SH3GLB1: variants seen among roughly 807,000 people sequenced by gnomAD.
SH3GLB1 encodes the protein SH3 domain containing GRB2 like, endophilin B1.
A neutral mutation model predicts 42.0 loss-of-function variants in SH3GLB1; 17 were observed. That is an observed-to-expected ratio of 0.40 (90% confidence interval 0.28 to 0.61). The LOEUF is 0.61. Among genes scored for constraint, SH3GLB1 ranks in the 20% least tolerant of loss-of-function variants. The probability of loss-of-function intolerance (pLI) is 0.36; values close to 1 mark genes in which losing one functional copy is unlikely to be tolerated. For missense variants in SH3GLB1, 355 were observed against 426.3 expected (o/e 0.83, Z 1.47); for synonymous variants, 132 against 146.6 (o/e 0.90, Z 0.72).
At chr1:86,740,276 GAA>G (rs1655993667) in intron 7 of SH3GLB1, among the ~76,000 whole-genome samples, 1 of 152,188 alleles carries the variant, frequency 6.6e-6, no homozygotes, top group Non-Finnish European at 1.5e-5. Context: ...AAGAGGGTAT[GAA>G]ATAGTCATCA....
rs575130834 is a variant in SH3GLB1, at chr1:86,723,867, C to G, written c.478-446C>G. 2.0e-5 allele frequency among the ~76,000 whole-genome samples: 3 copies of G among 152,296 alleles called. No individual in the cohort carries two copies. The East Asian group carries it at 5.8e-4, about 29-fold the overall frequency. On this transcript the variant is annotated intron_variant, in intron 4 of 8. Transcript: ENST00000370558. Reference sequence around the variant, plus strand: ...AATCTGTAACAATTTGAAAGTCAGTCTGGCCACTAATGACGTTTTGGGCTG... The same window carrying G: ...AATCTGTAACAATTTGAAAGTCAGTGTGGCCACTAATGACGTTTTGGGCTG...
At chr1:86,731,715 G>A (rs1399401945) in intron 5 of SH3GLB1, among the ~76,000 whole-genome samples, 3 of 151,996 alleles carry the variant, frequency 2.0e-5, no homozygotes, top group Non-Finnish European at 4.4e-5. Context: ...AAAATCTAAA[G>A]AAACCTATCA....
At chr1:86,710,554 C>T (rs992793795) in intron 1 of SH3GLB1, among the ~76,000 whole-genome samples, 6 of 152,178 alleles carry the variant, frequency 3.9e-5, no homozygotes, top group African/African-American at 9.7e-5. Flanking sequence ...CATGAGCCAC[C>T]GTGCCTGGCC....
intron 5 of SH3GLB1, among the ~76,000 whole-genome samples, chr1:86,725,846 G>A (rs1445390316): frequency 1.3e-5 from 2 of 151,874 alleles, no homozygotes; most frequent in African/African-American, 4.8e-5. Flanking sequence ...TTCTTTTTTG[G>A]AGATACTGTA....
intron 5 of SH3GLB1, among the ~76,000 whole-genome samples, chr1:86,725,672 T>C (rs1455876178): frequency 6.6e-6 from 1 of 152,180 alleles, no homozygotes; most frequent in African/African-American, 2.4e-5. Flanking sequence ...ATTACCACAG[T>C]GCTGGTACTG....
In SH3GLB1 at chr1:86,735,149, A is replaced by G. The variant is rs1558331371; in HGVS notation, c.731A>G (p.Tyr244Cys). 1.9e-6 allele frequency: 3 copies of G among 1,612,554 alleles called. No individual in the cohort carries two copies. The highest frequency in any genetic ancestry group is 2.5e-6 in the Non-Finnish European group (3 of 1,178,756). The change falls in exon 7 of 9, where the codon TAT becomes TGT. Residue 244 changes from tyrosine (Y) to cysteine (C), a missense_variant. Physicochemically the swap from Tyr to Cys is radical, Grantham distance 194 (BLOSUM62 -2). Transcript: ENST00000370558. ...QMTYYAQCYQYMLDLQKQLGS... is the reference protein window; with the variant it reads ...QMTYYAQCYQCMLDLQKQLGS... ...ACTTACTATGCACAGTGTTACCAGT[A>G]TATGTTGGACCTCCAGAAACAACTG...
rs1415133039 is a variant in SH3GLB1 at position 86,747,939 on chromosome 1, G to A, written c.*4704G>A. The A allele has an allele frequency of 6.6e-6, 1 of 152,180 alleles. No homozygotes were observed. The highest frequency in any genetic ancestry group is 1.5e-5 in the Non-Finnish European group (1 of 68,032). The allele number at this position is 152,180 out of a possible 1,614,324, so 9.4% of individuals were successfully genotyped here. A position where few individuals can be genotyped will look rare whatever the true frequency, so the allele number is the denominator to read the frequency against. On this transcript the variant is annotated 3_prime_UTR_variant, in exon 9 of 9. Transcript: ENST00000370558. Reference sequence around the variant, plus strand: ...ATTCCATCATCCAGGGAGAACCACTGTTATTTAAGTATATGGCCTTCCAGA... The same window carrying A: ...ATTCCATCATCCAGGGAGAACCACTATTATTTAAGTATATGGCCTTCCAGA...
intron 6 of SH3GLB1, 28 bp from the exon 7 acceptor site, chr1:86,735,051 A>G (rs1434728854): frequency 1.3e-6 from 2 of 1,561,224 alleles, no homozygotes; most frequent in South Asian, 2.2e-5. Flanking sequence ...CTATACAGCT[A>G]AGAACTAACT....
At chr1:86,739,527 T>C (rs1036155559) in intron 7 of SH3GLB1, among the ~76,000 whole-genome samples, 1 of 152,150 alleles carries the variant, frequency 6.6e-6, no homozygotes, top group Non-Finnish European at 1.5e-5. Context: ...AAGTAATGTT[T>C]GTAATATAAG....
chr1:86,706,155 T>C (rs1653853684), intron 1 of SH3GLB1, among the ~76,000 whole-genome samples: 1 of 152,238 alleles, frequency 6.6e-6, no homozygotes, highest in Non-Finnish European at 1.5e-5. Context: ...TTTATATATG[T>C]GAGGAAGCAG....
At chr1:86,725,646 T>C (rs561248979) in intron 5 of SH3GLB1, among the ~76,000 whole-genome samples, 148 of 150,936 alleles carry the variant, frequency 9.8e-4, no homozygotes, top group South Asian at 7.0e-3. Flanking sequence ...TCAAGAATCA[T>C]TGCGTTAATG....
intron 1 of SH3GLB1, among the ~76,000 whole-genome samples, chr1:86,709,886 A>C (rs57896480): frequency 0.018 from 2,796 of 152,304 alleles, 44 homozygotes; most frequent in African/African-American, 0.029. Context: ...GTAAAGATGA[A>C]TATGATGTTG....
intron 7 of SH3GLB1, among the ~76,000 whole-genome samples, chr1:86,736,938 AAGAAG>A (rs1218860687): frequency 2.0e-5 from 3 of 152,248 alleles, no homozygotes; most frequent in Non-Finnish European, 4.4e-5. Flanking sequence ...ACTATTTATG[AAGAAG>A]AGAACCAGAT....
At chr1:86,713,437 GT>G (rs1296727251) in intron 1 of SH3GLB1, among the ~76,000 whole-genome samples, 1 of 152,040 alleles carries the variant, frequency 6.6e-6, no homozygotes, top group East Asian at 1.9e-4. Context: ...TCTATTCTTG[GT>G]TATTAACTAT....
rs576270656 is a variant in SH3GLB1 at position 86,713,086 on chromosome 1, A to T, written c.73-2638A>T. 3.9e-5 allele frequency among the ~76,000 whole-genome samples: 6 copies of T among 152,036 alleles called. 1 individual carries two copies. In the South Asian group the frequency reaches 1.0e-3, roughly 26 times the overall value. On this transcript the variant is annotated intron_variant, in intron 1 of 8. Coordinates refer to ENST00000370558, the MANE Select transcript of SH3GLB1 (RefSeq NM_016009.5). ...ACTGTCGGGAGAAAACTTGCCCTGA[A>T]CCCCAGTTTGTATCAGATAAATTCA...
rs748917568 is a variant in SH3GLB1, at chr1:86,742,473, G to A, written c.990+37G>A. On this transcript the variant is annotated intron_variant, in intron 8 of 8. Coordinates refer to ENST00000370558, the MANE Select transcript of SH3GLB1 (RefSeq NM_016009.5). ...GGGTATGAGAAGGAAAATATATCAC[G>A]AATTGACATACCTTCTAATATTATA... The A allele has an allele frequency of 7.5e-6, 11 of 1,458,078 alleles. No individual in the cohort carries two copies. The East Asian group carries it at 9.1e-5, about 12-fold the overall frequency. The allele number at this position is 1,458,078 out of a possible 1,614,324, so 90.3% of individuals were successfully genotyped here.
intron 1 of SH3GLB1, 85 bp downstream of exon 1, chr1:86,705,056 C>A: frequency 1.1e-6 from 1 of 882,324 alleles, no homozygotes; most frequent in Non-Finnish European, 1.7e-6. Context: ...CGCCCCCGGG[C>A]CTCGCCGACC....
At chr1:86,720,952 A>G (rs543777149) in intron 3 of SH3GLB1, among the ~76,000 whole-genome samples, 1 of 152,208 alleles carries the variant, frequency 6.6e-6, no homozygotes, top group Non-Finnish European at 1.5e-5. Context: ...TTTTAGAAAA[A>G]TGTTATACAT....
At chr1:86,724,882 A>ATATATAT (rs1429770726) in intron 5 of SH3GLB1, among the ~76,000 whole-genome samples, 1 of 106,042 alleles carries the variant, frequency 9.4e-6, no homozygotes, top group African/African-American at 4.9e-5. Flanking sequence ...TTTAAAAAAA[A>ATATATAT]AAAAAAAAAA....
Sources: gnomAD v4.1 joint callset for allele counts (sites outside exome capture counted in the v4.1 genomes callset) on GRCh38, gnomAD v4.1.1 for gene constraint, MANE v1.5 for transcripts, NCBI Gene and HGNC (gene_info 2026-07-23, HGNC 2026-07-21) for gene names.